The following HS3ST4 variants were observed in gnomAD, a reference collection of about 807,000 sequenced individuals.
HS3ST4 encodes the protein heparan sulfate glucosamine 3-O-sulfotransferase 4.
A neutral mutation model predicts 29.2 loss-of-function variants in HS3ST4; 17 were observed. That is an observed-to-expected ratio of 0.58 (90% CI 0.40 to 0.87). The LOEUF (loss-of-function observed/expected upper bound fraction) is 0.87, where lower values mean the gene tolerates loss of function less well. Among genes scored for constraint, HS3ST4 ranks in the 40% least tolerant of loss-of-function variants. The probability of loss-of-function intolerance (pLI) is 0.00; values close to 1 mark genes in which losing one functional copy is unlikely to be tolerated. For missense variants in HS3ST4, 627 were observed against 634.5 expected (o/e 0.99, Z 0.13); for synonymous variants, 314 against 285.7 (o/e 1.10, Z -1.00).
chr16:26,107,503 T>C (rs117254060), intron 1 of HS3ST4, among the ~76,000 whole-genome samples: 3,388 of 152,264 alleles, frequency 0.022, 48 homozygotes, highest in Non-Finnish European at 0.037. Context: ...GAGTAGTGTA[T>C]ATTGTAGCCA....
intron 1 of HS3ST4, among the ~76,000 whole-genome samples, chr16:26,083,499 G>T (rs1037659159): frequency 4.6e-5 from 7 of 152,072 alleles, no homozygotes; most frequent in Admixed American, 6.6e-5. Context: ...TCCATAAAGG[G>T]CCAGGTGGTA....
intron 1 of HS3ST4, among the ~76,000 whole-genome samples, chr16:25,942,097 C>T (rs1019785361): frequency 2.6e-5 from 4 of 152,088 alleles, no homozygotes; most frequent in Admixed American, 6.6e-5. Context: ...AGAATCAGCT[C>T]GCATCACTTG....
chr16:26,005,611 A>T (rs938976274), intron 1 of HS3ST4, among the ~76,000 whole-genome samples: 1 of 152,148 alleles, frequency 6.6e-6, no homozygotes, highest in Non-Finnish European at 1.5e-5. Flanking sequence ...CAGCATTAGT[A>T]AGAATTAGCC....
chr16:25,696,994 G>C (rs537039604), intron 1 of HS3ST4, among the ~76,000 whole-genome samples: 1 of 152,200 alleles, frequency 6.6e-6, no homozygotes, highest in Non-Finnish European at 1.5e-5. Context: ...TGGCTGTTCA[G>C]TGCCTCTGCT....
At chr16:25,910,322 A>T (rs1596611129) in intron 1 of HS3ST4, among the ~76,000 whole-genome samples, 1 of 152,200 alleles carries the variant, frequency 6.6e-6, no homozygotes, top group Non-Finnish European at 1.5e-5. Flanking sequence ...ATCAGAGTCC[A>T]TGAAACATTG....
chr16:25,739,328 T>G (rs1025299059), intron 1 of HS3ST4, among the ~76,000 whole-genome samples: 7 of 152,040 alleles, frequency 4.6e-5, no homozygotes, highest in African/African-American at 1.7e-4. Context: ...GGCAACAAAG[T>G]GAAACTCTGT....
chr16:26,133,278 A>C (rs2141817147), intron 1 of HS3ST4, among the ~76,000 whole-genome samples: 1 of 152,318 alleles, frequency 6.6e-6, no homozygotes, highest in South Asian at 2.1e-4. Flanking sequence ...CTTCATTAAA[A>C]TCCTATGAGG....
intron 1 of HS3ST4, among the ~76,000 whole-genome samples, chr16:26,093,221 T>C (rs894016283): frequency 1.3e-5 from 2 of 152,166 alleles, no homozygotes; most frequent in African/African-American, 4.8e-5. Flanking sequence ...GTCTGACAGC[T>C]CTGAAGAGAG....
intron 1 of HS3ST4, among the ~76,000 whole-genome samples, chr16:26,095,337 T>C (rs1898909405): frequency 6.6e-6 from 1 of 152,094 alleles, no homozygotes; most frequent in Non-Finnish European, 1.5e-5. Context: ...CAAATCACAC[T>C]TATTCTAAAA....
At chr16:25,947,333 T>C (rs111994841) in intron 1 of HS3ST4, among the ~76,000 whole-genome samples, 1,879 of 152,280 alleles carry the variant, frequency 0.012, 36 homozygotes, top group African/African-American at 0.042. Context: ...GTCTAACAAC[T>C]TGTTGTATTA....
intron 1 of HS3ST4, among the ~76,000 whole-genome samples, chr16:25,854,814 C>T (rs1967559365): frequency 6.7e-6 from 1 of 149,584 alleles, no homozygotes; most frequent in Admixed American, 6.7e-5. Context: ...AAAATGCAAA[C>T]TGTAAAATAT....
At chr16:25,697,728 C>T (rs923439348) in intron 1 of HS3ST4, among the ~76,000 whole-genome samples, 2 of 151,916 alleles carry the variant, frequency 1.3e-5, no homozygotes, top group African/African-American at 4.8e-5. Context: ...GACGGGGTCT[C>T]GCTCTGTTGC....
chr16:25,858,764 GA>G (rs1967608842), intron 1 of HS3ST4, among the ~76,000 whole-genome samples: 1 of 151,876 alleles, frequency 6.6e-6, no homozygotes, highest in Non-Finnish European at 1.5e-5. Flanking sequence ...ACTTGGAATG[GA>G]TTTTCAAAAT....
intron 1 of HS3ST4, among the ~76,000 whole-genome samples, chr16:25,866,418 A>G (rs531018155): frequency 6.6e-6 from 1 of 152,356 alleles, no homozygotes; most frequent in South Asian, 2.1e-4. Flanking sequence ...AAGCCCATCA[A>G]TGATAGACTG....
At chr16:26,060,975 T>G (rs1898467231) in intron 1 of HS3ST4, among the ~76,000 whole-genome samples, 1 of 152,192 alleles carries the variant, frequency 6.6e-6, no homozygotes, top group Non-Finnish European at 1.5e-5. Context: ...ATAAAGATGT[T>G]TAGTAAGACA....
At chr16:25,956,711 G>A (rs1417094688) in intron 1 of HS3ST4, among the ~76,000 whole-genome samples, 3 of 152,050 alleles carry the variant, frequency 2.0e-5, no homozygotes, top group African/African-American at 4.8e-5. Context: ...TAAAAGCATG[G>A]GTTTTGGCTG....
chr16:25,831,395 CTACACACACA>C (rs1398467716), intron 1 of HS3ST4, among the ~76,000 whole-genome samples: 13 of 101,560 alleles, frequency 1.3e-4, no homozygotes, highest in African/African-American at 2.2e-4. Context: ...GACCCCGTCT[CTACACACACA>C]CACACACACA....
Position 25,828,242 on chromosome 16 carries a change from C to CTATCTTTCTT in HS3ST4, c.734+135092_734+135093insATCTTTCTTT, listed in dbSNP as rs1371928058. ...CTTTCCTTTCTTTCTTTCTTTCTTT[C>CTATCTTTCTT]TCTTTCTTTCTTTCTTTCTTTCTTT... On this transcript the variant is annotated intron_variant, in intron 1 of 1. Transcript: ENST00000331351. 6.7e-5 allele frequency among the ~76,000 whole-genome samples: 5 copies of CTATCTTTCTT among 75,034 alleles called. No homozygotes were observed. In the East Asian group the frequency reaches 1.5e-3, roughly 22 times the overall value. The allele number at this position is 75,034 out of a possible 152,430, so 49.2% of individuals were successfully genotyped here.
chr16:26,129,629 G>T (rs2141815164), intron 1 of HS3ST4, among the ~76,000 whole-genome samples: 1 of 152,308 alleles, frequency 6.6e-6, no homozygotes, highest in African/African-American at 2.4e-5. Context: ...GGTATTATTA[G>T]TATGATGCCT....
Sources: gnomAD v4.1 joint callset for allele counts (sites outside exome capture counted in the v4.1 genomes callset) on GRCh38, gnomAD v4.1.1 for gene constraint, MANE v1.5 for transcripts, NCBI Gene and HGNC (gene_info 2026-07-23, HGNC 2026-07-21) for gene names.